GPM6A: variants seen among roughly 807,000 people sequenced by gnomAD.
GPM6A encodes neuronal membrane glycoprotein M6-a.
GPM6A carries 7 observed loss-of-function variants against 32.1 expected under a neutral mutation model. The ratio of observed to expected loss-of-function variants is 0.22; its 90% CI spans 0.12 to 0.41. GPM6A has a LOEUF of 0.41. Among genes scored for constraint, GPM6A ranks in the 10% least tolerant of loss-of-function variants. GPM6A has a pLI of 1.00. For synonymous variants in GPM6A, 130 were observed against 123.4 expected (o/e 1.05, Z -0.35); for missense variants, 235 against 347.2 (o/e 0.68, Z 2.57).
chr4:175,691,959 C>T (rs1410700536), intron 2 of GPM6A, among the ~76,000 whole-genome samples: 1 of 152,102 alleles, frequency 6.6e-6, no homozygotes, highest in Non-Finnish European at 1.5e-5. Flanking sequence ...ATGCAGGTGG[C>T]CTCTGGAAGC....
chr4:175,804,938 G>A (rs561654305), intron 1 of GPM6A, among the ~76,000 whole-genome samples: 14 of 152,114 alleles, frequency 9.2e-5, no homozygotes, highest in Admixed American at 5.2e-4. Flanking sequence ...CCAGCTATTC[G>A]GGAGGCTGAG....
intron 1 of GPM6A, among the ~76,000 whole-genome samples, chr4:175,830,170 T>G (rs893655171): frequency 1.3e-5 from 2 of 152,038 alleles, no homozygotes; most frequent in Non-Finnish European, 2.9e-5. Flanking sequence ...AGATCTATCG[T>G]TGGGTGGTGA....
chr4:175,688,102 T>C (rs1744092119), intron 2 of GPM6A, among the ~76,000 whole-genome samples: 1 of 152,202 alleles, frequency 6.6e-6, no homozygotes, highest in Non-Finnish European at 1.5e-5. Context: ...ATTAATTCCT[T>C]ACCAGATAAA....
chr4:175,812,312 T>TTTG, upstream of GPM6A: 2 of 1,158,130 alleles, frequency 1.7e-6, no homozygotes, highest in Non-Finnish European at 2.2e-6. Flanking sequence ...TTTTTTTTTT[T>TTTG]TTTTTTTTTT....
rs56106172 is a variant in GPM6A, at chr4:175,668,519, A to ATG, written c.387+5159_387+5160dup. Among the ~76,000 whole-genome samples, 493 of 139,342 alleles carry ATG rather than the reference A, an allele frequency of 3.5e-3. 3 individuals carry two copies. The highest frequency in any genetic ancestry group is 0.011 in the African/African-American group (442 of 39,214). The allele number at this position is 139,342 out of a possible 152,430, so 91.4% of individuals were successfully genotyped here. The stretch of plus-strand genomic sequence containing the variant: ...CCCACAGTTTAGGATTCAAACGTTT[A>ATG]TGTGTGTGTGTGTGTGTGTGTGTTT... On this transcript the variant is annotated intron_variant, in intron 3 of 6. Coordinates refer to ENST00000393658, the MANE Select transcript of GPM6A (RefSeq NM_201591.3).
chr4:175,650,175 G>C (rs186010637), intron 4 of GPM6A, among the ~76,000 whole-genome samples: 32 of 152,110 alleles, frequency 2.1e-4, no homozygotes, highest in African/African-American at 5.8e-4. Flanking sequence ...CCGTACACAT[G>C]TACATATGAG....
rs75838432 is a variant in GPM6A, at chr4:175,941,309, G to A, written c.-23+61000C>T. 5.0e-3 allele frequency among the ~76,000 whole-genome samples: 764 copies of A among 152,128 alleles called. 37 individuals are homozygous for A. In the East Asian group the frequency reaches 0.11, roughly 22 times the overall value. On this transcript the variant is annotated intron_variant, in intron 1 of 7. Coordinates refer to the GPM6A transcript ENST00000280187. ...ATATGTTAGGGATAATACTAGAGAC[G>A]TCTCATTTGTAATAAGCCTTCATCT...
At position 175,989,538 on chromosome 4, in the gene GPM6A, T is replaced by G. The variant is rs1008481285; in HGVS notation, c.-23+12771A>C. Among the ~76,000 whole-genome samples the G allele has an allele frequency of 2.6e-5, 4 of 152,176 alleles. 1 individual carries two copies. The South Asian group carries it at 8.3e-4, about 32-fold the overall frequency. On this transcript the variant is annotated intron_variant, in intron 1 of 7. Coordinates refer to the GPM6A transcript ENST00000280187. The stretch of plus-strand genomic sequence containing the variant: ...AGTATTAAAAATATGAAAATAAATT[T>G]TAATAATGCTAAATCATGTGATCTT...
At position 175,747,148 on chromosome 4, in the gene GPM6A, T is replaced by C. The variant is rs1297533196; in HGVS notation, c.38-45381A>G. Among the ~76,000 whole-genome samples the C allele has an allele frequency of 2.0e-5, 3 of 151,560 alleles. No individual in the cohort carries two copies. The East Asian group carries it at 5.8e-4, about 30-fold the overall frequency. ...AGCTGGGCGTGGTGACACGTGCCTG[T>C]AATCCCAGCTACTTGGGAGGCTGAG... On this transcript the variant is annotated intron_variant, in intron 1 of 6. Transcript: ENST00000393658.
At chr4:175,689,446 G>GTTTTTT (rs34200402) in intron 2 of GPM6A, among the ~76,000 whole-genome samples, 1 of 147,500 alleles carries the variant, frequency 6.8e-6, no homozygotes. Flanking sequence ...TATTTATAGC[G>GTTTTTT]TTTTTTTTTT....
At chr4:175,885,483 T>C (rs1737422093) in intron 1 of GPM6A, among the ~76,000 whole-genome samples, 2 of 152,120 alleles carry the variant, frequency 1.3e-5, no homozygotes, top group South Asian at 4.1e-4. Flanking sequence ...TTTTAAAAAT[T>C]ATCCAGGTGT....
intron 1 of GPM6A, chr4:175,790,500 C>G (rs1447589973): frequency 1.3e-5 from 2 of 152,140 alleles, no homozygotes; most frequent in African/African-American, 4.8e-5. Context: ...GCCTTAGTTA[C>G]TGTTATCTTT....
At chr4:175,695,533 T>C (rs1169500963) in intron 2 of GPM6A, among the ~76,000 whole-genome samples, 1 of 152,240 alleles carries the variant, frequency 6.6e-6, no homozygotes, top group African/African-American at 2.4e-5. Context: ...TGGACTTGCA[T>C]GGGGGCTTAT....
At chr4:175,651,486 A>G (rs1051668862) in intron 4 of GPM6A, among the ~76,000 whole-genome samples, 1 of 152,032 alleles carries the variant, frequency 6.6e-6, no homozygotes, top group Non-Finnish European at 1.5e-5. Flanking sequence ...TGTGCAGTTT[A>G]TCATGGGAGG....
chr4:175,722,903 G>T (rs899705064), intron 1 of GPM6A, among the ~76,000 whole-genome samples: 8 of 149,818 alleles, frequency 5.3e-5, no homozygotes, highest in Non-Finnish European at 1.0e-4. Context: ...AAAAAAATGA[G>T]CTGGGCATGG....
chr4:175,853,613 G>A (rs964488291), intron 1 of GPM6A, among the ~76,000 whole-genome samples: 2 of 150,816 alleles, frequency 1.3e-5, no homozygotes, highest in African/African-American at 4.9e-5. Context: ...AAGATTACCA[G>A]TGGAGTCGTT....
intron 1 of GPM6A, among the ~76,000 whole-genome samples, chr4:175,734,221 G>T (rs1288757164): frequency 1.3e-5 from 2 of 150,436 alleles, no homozygotes; most frequent in African/African-American, 4.9e-5. Flanking sequence ...TCTTCAATTT[G>T]TACTTTTATT....
chr4:175,698,211 T>G (rs928287308), intron 2 of GPM6A, among the ~76,000 whole-genome samples: 2 of 152,342 alleles, frequency 1.3e-5, no homozygotes, highest in East Asian at 3.9e-4. Flanking sequence ...TTTTATCTTT[T>G]AGTTCACACA....
At chr4:175,802,710 G>A (rs1366014488) in intron 1 of GPM6A, among the ~76,000 whole-genome samples, 1 of 151,982 alleles carries the variant, frequency 6.6e-6, no homozygotes, top group Non-Finnish European at 1.5e-5. Context: ...CCTAGTGTCA[G>A]CAAATTTGTA....
Sources: gnomAD v4.1 joint callset for allele counts (sites outside exome capture counted in the v4.1 genomes callset) on GRCh38, gnomAD v4.1.1 for gene constraint, MANE v1.5 for transcripts, NCBI Gene and HGNC (gene_info 2026-07-23, HGNC 2026-07-21) for gene names.